The following ADGRV1 variants were observed in gnomAD, a reference collection of about 807,000 sequenced individuals.
ADGRV1 encodes adhesion G protein-coupled receptor V1, also known as G-protein coupled receptor 98.
In ADGRV1, 359 loss-of-function variants were observed where a neutral mutation model predicts 596.2. The observed-to-expected ratio is 0.60, with a 90% CI of 0.55 to 0.66. The LOEUF is 0.66. ADGRV1 is among the 30% of genes least tolerant of loss of function. The pLI is 0.00. For synonymous variants in ADGRV1, 2,681 were observed against 2,679.2 expected (o/e 1.00, Z -0.02); for missense variants, 7,274 against 7,575.6 (o/e 0.96, Z 1.48).
At chr5:90,781,199 A>G in intron 64 of ADGRV1, 2 of 509,082 alleles carry the variant, frequency 3.9e-6, no homozygotes, top group South Asian at 4.2e-5. Flanking sequence ...ACTTTATATT[A>G]GTTTTGGCTT....
At chr5:90,628,934 C>T in intron 8 of ADGRV1, 102 bp downstream of exon 8, 2 of 1,046,948 alleles carry the variant, frequency 1.9e-6, no homozygotes, top group Non-Finnish European at 2.7e-6. Flanking sequence ...TTTGAAGGGA[C>T]AGGAAAAACA....
intron 85 of ADGRV1, among the ~76,000 whole-genome samples, chr5:91,036,630 G>A (rs1784940963): frequency 6.6e-6 from 1 of 151,926 alleles, no homozygotes; most frequent in African/African-American, 2.4e-5. Flanking sequence ...AGAGGCTGAG[G>A]CAGGATCACT....
At position 90,675,398 on chromosome 5, in the gene ADGRV1, G is replaced by A. The variant is rs1027911338; in HGVS notation, c.5266G>A (p.Glu1756Lys). The A allele has an allele frequency of 7.4e-6, 12 of 1,613,690 alleles. No individual in the cohort carries two copies. Among genetic ancestry groups the A allele is most frequent in the Non-Finnish European group, 9.3e-6 (11 of 1,179,858 alleles). Reference sequence around the variant, plus strand: ...GGGACTTCTGGGAAGGGTGACTGCGGAATTTAGAACAGTGTCCTTGACAGC... The same window carrying A: ...GGGACTTCTGGGAAGGGTGACTGCGAAATTTAGAACAGTGTCCTTGACAGC... The part of the protein sequence containing the change: ...AQGLLGRVTA[E>K]FRTVSLTAFS... The change falls in exon 24 of 90, where the codon GAA becomes AAA. Residue 1756 changes from glutamate (E) to lysine (K), a missense_variant. By Grantham distance (56) the Glu-to-Lys change is moderately conservative. This residue lies in a region of ADGRV1 where 3,643 missense variants were observed against 3,809.2 expected (regional missense o/e 0.96). Transcript: ENST00000405460.
At chr5:90,804,101 G>A (rs1761673106) in intron 71 of ADGRV1, among the ~76,000 whole-genome samples, 1 of 152,162 alleles carries the variant, frequency 6.6e-6, no homozygotes, top group South Asian at 2.1e-4. Context: ...TTTGGCAGTT[G>A]CTAAGCAGAA....
intron 2 of ADGRV1, 46 bp from the exon 3 acceptor site, chr5:90,617,758 C>G: frequency 1.3e-6 from 2 of 1,500,384 alleles, no homozygotes; most frequent in Non-Finnish European, 1.8e-6. Flanking sequence ...TTTACTTGTC[C>G]TAATACTGTG....
intron 21 of ADGRV1, among the ~76,000 whole-genome samples, chr5:90,662,613 T>C (rs928512636): frequency 2.5e-4 from 38 of 152,216 alleles, no homozygotes; most frequent in Admixed American, 2.5e-3. Context: ...TTTTCTTTTT[T>C]TTCTTTTATT....
intron 1 of ADGRV1, among the ~76,000 whole-genome samples, chr5:90,591,448 T>C (rs1217989736): frequency 6.6e-6 from 1 of 152,130 alleles, no homozygotes; most frequent in Non-Finnish European, 1.5e-5. Context: ...CTTCTGAAAT[T>C]ATGTAAATAT....
chr5:90,627,211 G>A lies in ADGRV1; in HGVS notation c.673G>A (p.Val225Ile), dbSNP rs1159317263. ...IYNLTVLDDE[V>I]PENDEIFLIQ... ...GCCTCTGTTTATATTCCTTTAACAG[G>A]TACCAGAAAATGATGAAATATTTTT... The change falls in exon 7 of 90, where the codon GTA becomes ATA. Residue 225 changes from valine (V) to isoleucine (I), a missense_variant and splice_region_variant. By Grantham distance (29) the Val-to-Ile change is conservative. This residue lies in a region of ADGRV1 where 1,715 missense variants were observed against 1,708.8 expected (regional missense o/e 1.00). Coordinates refer to ENST00000405460, the MANE Select transcript of ADGRV1 (RefSeq NM_032119.4). The A allele has an allele frequency of 2.0e-6, 3 of 1,505,386 alleles. No homozygotes were observed. The highest frequency in any genetic ancestry group is 2.7e-6 in the Non-Finnish European group (3 of 1,125,612). 93.3% of individuals were successfully genotyped at this position (1,505,386 alleles called of 1,614,324 possible).
At chr5:90,613,541 C>G (rs565512878) in intron 1 of ADGRV1, among the ~76,000 whole-genome samples, 1 of 152,190 alleles carries the variant, frequency 6.6e-6, no homozygotes, top group Non-Finnish European at 1.5e-5. Flanking sequence ...AACTCTTCTT[C>G]AGATTTCATT....
At chr5:90,596,305 A>G (rs1760575183) in intron 1 of ADGRV1, among the ~76,000 whole-genome samples, 1 of 148,222 alleles carries the variant, frequency 6.7e-6, no homozygotes, top group African/African-American at 2.5e-5. Context: ...CACTTTCCAG[A>G]CTGGGCAACC....
chr5:91,114,079 C>T (rs143399425), intron 87 of ADGRV1, among the ~76,000 whole-genome samples: 251 of 151,336 alleles, frequency 1.7e-3, no homozygotes, highest in African/African-American at 5.7e-3. Context: ...ATTAGCTGAG[C>T]ATGGTGGCAG....
In ADGRV1 at chr5:91,102,639, A is replaced by G. The variant is rs577044551; in HGVS notation, c.18432+299A>G. Among the ~76,000 whole-genome samples, 18 of 152,334 alleles carry G rather than the reference A, an allele frequency of 1.2e-4. 1 individual carries two copies. The highest frequency in any genetic ancestry group is 3.4e-4 in the African/African-American group (14 of 41,588). On this transcript the variant is annotated intron_variant, in intron 87 of 89. Transcript: ENST00000405460. ...TTTTCAGTAGGATTGATGTTTATCA[A>G]CTTTGCAAATGGCAGTCATGTAAGA...
Position 91,163,944 on chromosome 5 carries a change from C to T in ADGRV1, c.*44C>T, listed in dbSNP as rs1797167563. The T allele has an allele frequency of 2.1e-6, 2 of 936,728 alleles. No individual in the cohort carries two copies. Among genetic ancestry groups the T allele is most frequent in the Non-Finnish European group, 3.4e-6 (2 of 581,160 alleles). 58.0% of individuals were successfully genotyped at this position (936,728 alleles called of 1,614,324 possible). On this transcript the variant is annotated 3_prime_UTR_variant, in exon 90 of 90. Coordinates refer to ENST00000405460, the MANE Select transcript of ADGRV1 (RefSeq NM_032119.4). Reference sequence around the variant, plus strand: ...ACTGAGCACACTTTCATATTTGTATCAGCTTTTGTGCTAAAACTCTCTAAG... The same window carrying T: ...ACTGAGCACACTTTCATATTTGTATTAGCTTTTGTGCTAAAACTCTCTAAG...
chr5:90,823,036 T>C (rs1465457296), intron 75 of ADGRV1, among the ~76,000 whole-genome samples: 5 of 152,194 alleles, frequency 3.3e-5, no homozygotes, highest in Non-Finnish European at 7.4e-5. Flanking sequence ...TGGGCTGAGA[T>C]GATGGGGTTT....
Position 91,163,862 on chromosome 5 carries a change from G to A in ADGRV1, c.18883G>A (p.Glu6295Lys), listed in dbSNP as rs1313097945. 6.2e-7 allele frequency: 1 copy of A among 1,603,630 alleles called. No homozygotes were observed. The highest frequency in any genetic ancestry group is 1.3e-5 in the African/African-American group (1 of 74,638). ...CACCTTGACTGACTCCCAGATCGTG[G>A]AGCTCAGGAGGATACCCATCGCCGA... is the stretch of plus-strand genomic sequence containing the variant. ...GGTLTDSQIV[E>K]LRRIPIADTH... The change falls in exon 90 of 90, where the codon GAG becomes AAG. Residue 6295 changes from glutamate (E) to lysine (K), a missense_variant. Physicochemically the swap from Glu to Lys is moderately conservative, Grantham distance 56 (BLOSUM62 1). Around this residue, in one of 5 missense-constraint regions of ADGRV1, gnomAD observed 1,874 missense variants for 1,970.2 expected, o/e 0.95. Transcript: ENST00000405460.
intron 85 of ADGRV1, among the ~76,000 whole-genome samples, chr5:91,018,041 A>G (rs1054884912): frequency 1.3e-5 from 2 of 151,962 alleles, no homozygotes; most frequent in Admixed American, 6.6e-5. Context: ...CTACCCTACT[A>G]TGTTTTTAAC....
Position 90,774,614 on chromosome 5 carries a change from GTAGGAGA to G in ADGRV1, c.12403+312_12403+318del, listed in dbSNP as rs1394628472. On this transcript the variant is annotated intron_variant, in intron 60 of 89. Transcript: ENST00000405460. ...TGTCAGCTTCCTAAATGGTCCAACA[GTAGGAGA>G]CTAGTTAAATGTGTCAGAATACTAG... Among the ~76,000 whole-genome samples, 15 of 152,256 alleles carry G rather than the reference GTAGGAGA, an allele frequency of 9.9e-5. No homozygotes were observed. The East Asian group carries it at 2.9e-3, about 29-fold the overall frequency.
intron 1 of ADGRV1, among the ~76,000 whole-genome samples, chr5:90,599,438 C>T (rs1423474707): frequency 2.0e-5 from 3 of 152,110 alleles, no homozygotes; most frequent in Non-Finnish European, 4.4e-5. Flanking sequence ...CTAAATACAT[C>T]AGTCTGAAAT....
In ADGRV1 at chr5:90,653,410, G is replaced by C; in HGVS notation, c.3836G>C (p.Gly1279Ala). 2 of 1,613,966 alleles carry C rather than the reference G, an allele frequency of 1.2e-6. No homozygotes were observed. The highest frequency in any genetic ancestry group is 1.7e-6 in the Non-Finnish European group (2 of 1,179,874). Residue 1279 changes from glycine to alanine, a missense_variant, in exon 20 of 90, where the codon GGT becomes GCT. Around this residue, in one of 5 missense-constraint regions of ADGRV1, gnomAD observed 1,715 missense variants for 1,708.8 expected, o/e 1.00. Coordinates refer to ENST00000405460, the MANE Select transcript of ADGRV1 (RefSeq NM_032119.4). Reference sequence around the variant, plus strand: ...ATTTTGAGGCAGCAGGGTGTGTTTGGTGATGTACAACTGGGCTGGGAAATA... The same window carrying C: ...ATTTTGAGGCAGCAGGGTGTGTTTGCTGATGTACAACTGGGCTGGGAAATA... The part of the protein sequence containing the change: ...FTILRQQGVF[G>A]DVQLGWEILS...
Sources: allele counts gnomAD v4.1 joint callset (sites outside exome capture counted in the v4.1 genomes callset), GRCh38; gene constraint gnomAD v4.1.1; regional missense constraint gnomAD v4.1.1; transcripts MANE v1.5; gene names NCBI Gene and HGNC (gene_info 2026-07-23, HGNC 2026-07-21).